Variants in ADGRG2 observed in about 807,000 individuals in gnomAD.
ADGRG2 encodes the protein adhesion G protein-coupled receptor G2, also known as G protein-coupled receptor 64.
A neutral mutation model predicts 74.1 loss-of-function variants in ADGRG2; 26 were observed. The ratio of observed to expected loss-of-function variants is 0.35; its 90% CI spans 0.26 to 0.49. ADGRG2 has a LOEUF of 0.49. Ranked by LOEUF, ADGRG2 falls within the 20% of genes least tolerant of loss-of-function variation. The pLI, the probability that ADGRG2 is intolerant of heterozygous loss-of-function variation, is 0.99. For missense variants in ADGRG2, 619 were observed against 763.1 expected (o/e 0.81, Z 2.22); for synonymous variants, 296 against 295.2 (o/e 1.00, Z -0.03).
chrX:19,060,866 T>C (rs2061480305), intron 3 of ADGRG2, among the ~76,000 whole-genome samples: 1 of 111,366 alleles, frequency 9.0e-6, no homozygotes, highest in African/African-American at 3.3e-5. Flanking sequence ...TGTTCTTAAA[T>C]TCCCCCAGGT....
chrX:19,004,823 T>C lies in ADGRG2; in HGVS notation c.1896A>G (p.Thr632=), dbSNP rs2060197624. 1 of 1,201,994 alleles carries C rather than the reference T, an allele frequency of 8.3e-7. No homozygotes were observed. Among genetic ancestry groups the C allele is most frequent in the Non-Finnish European group, 1.1e-6 (1 of 886,730 alleles). ...PAQMMALTFI[T]YIGCGLSSIF... is the part of the protein sequence containing the mutation. Reference sequence around the variant, plus strand: ...TTGATGAAAGCCCACAACCAATATATGTAATGAACGTCAGAGCCATCATTT... The same window carrying C: ...TTGATGAAAGCCCACAACCAATATACGTAATGAACGTCAGAGCCATCATTT... Residue 632 remains threonine (T), a synonymous_variant, in exon 23 of 29, where the codon ACA becomes ACG. Coordinates refer to ENST00000379869, the MANE Select transcript of ADGRG2 (RefSeq NM_001079858.3).
chrX:19,116,082 C>A (rs1406826974), intron 1 of ADGRG2, among the ~76,000 whole-genome samples: 1 of 108,496 alleles, frequency 9.2e-6, no homozygotes, highest in African/African-American at 3.4e-5. Flanking sequence ...CATGGTGGGG[C>A]AAGCCTGTAG....
intron 27 of ADGRG2, 57 bp downstream of exon 27, chrX:18,995,994 T>G (rs1259881813): frequency 3.2e-6 from 2 of 621,374 alleles, no homozygotes; most frequent in Non-Finnish European, 5.4e-6. Context: ...GATCTTAATT[T>G]ATACAATCTT....
intron 13 of ADGRG2, 98 bp from the exon 14 acceptor site, chrX:19,021,296 C>A (rs1217375993): frequency 3.8e-6 from 2 of 531,779 alleles, no homozygotes; most frequent in Non-Finnish European, 6.6e-6. Context: ...GGAAAGGGGA[C>A]ACTGATACTG....
chrX:19,064,070 T>TGAG (rs1361060780), intron 3 of ADGRG2, among the ~76,000 whole-genome samples: 2 of 111,631 alleles, frequency 1.8e-5, no homozygotes. Context: ...TACTCACTGT[T>TGAG]TGGGGGTGTT....
At chrX:19,106,377 G>C (rs2062292188) in intron 1 of ADGRG2, among the ~76,000 whole-genome samples, 1 of 110,563 alleles carries the variant, frequency 9.0e-6, no homozygotes, top group African/African-American at 3.3e-5. Flanking sequence ...CAGACACCTA[G>C]TTGCTCTGGA....
chrX:19,004,050 G>A (rs1045922951), intron 23 of ADGRG2, among the ~76,000 whole-genome samples: 2 of 112,276 alleles, frequency 1.8e-5, no homozygotes, highest in African/African-American at 6.5e-5. Flanking sequence ...CGTAGTCACA[G>A]CTAGACCCTA....
intron 1 of ADGRG2, among the ~76,000 whole-genome samples, chrX:19,093,393 G>T (rs1165925468): frequency 9.0e-6 from 1 of 111,723 alleles, no homozygotes; most frequent in Admixed American, 9.6e-5. Context: ...GTGTGCACAA[G>T]GAGAGGATAA....
In ADGRG2 at chrX:19,008,225, A is replaced by ATTT. The variant is rs58217405; in HGVS notation, c.1423-105_1423-103dup. The ATTT allele has an allele frequency of 4.8e-3, 2,358 of 493,051 alleles. 38 individuals are homozygous for ATTT. The African/African-American group carries it at 0.054, about 11-fold the overall frequency. 40.6% of individuals were successfully genotyped at this position (493,051 alleles called of 1,213,427 possible). On this transcript the variant is annotated intron_variant, in intron 18 of 28. Coordinates refer to ENST00000379869, the MANE Select transcript of ADGRG2 (RefSeq NM_001079858.3). ...TGCAAAAGTAATTGCAGTATGTGCC[A>ATTT]TTTTTTTTTTAAAAAAAGATAAAAA...
At chrX:19,002,079 C>T (rs1285933603) in intron 24 of ADGRG2, among the ~76,000 whole-genome samples, 1 of 111,035 alleles carries the variant, frequency 9.0e-6, no homozygotes, top group Non-Finnish European at 1.9e-5. Flanking sequence ...GTAAGTGCCA[C>T]CAGGGAGCCA....
At chrX:19,092,862 A>G (rs1361595429) in intron 1 of ADGRG2, among the ~76,000 whole-genome samples, 1 of 111,703 alleles carries the variant, frequency 9.0e-6, no homozygotes, top group East Asian at 2.8e-4. Context: ...ACAGATGACA[A>G]AACGGCACTT....
intron 3 of ADGRG2, among the ~76,000 whole-genome samples, chrX:19,067,327 C>A (rs982954129): frequency 8.9e-6 from 1 of 111,848 alleles, no homozygotes; most frequent in African/African-American, 3.3e-5. Flanking sequence ...TTCAAGATGC[C>A]AAAAACCTAG....
chrX:19,001,823 A>G (rs2060137398), intron 24 of ADGRG2, among the ~76,000 whole-genome samples: 1 of 111,429 alleles, frequency 9.0e-6, no homozygotes, highest in South Asian at 3.8e-4. Context: ...AAGGAGACGG[A>G]GAGCCAGGCT....
chrX:19,087,546 G>C (rs770637835), intron 1 of ADGRG2, among the ~76,000 whole-genome samples: 4 of 112,828 alleles, frequency 3.5e-5, no homozygotes, highest in Non-Finnish European at 5.6e-5. Flanking sequence ...GCATTCCAAA[G>C]AGAGGAAATG....
chrX:19,061,079 G>A (rs962075839), intron 3 of ADGRG2, among the ~76,000 whole-genome samples: 2 of 111,746 alleles, frequency 1.8e-5, no homozygotes, highest in Non-Finnish European at 3.8e-5. Flanking sequence ...GGAATCAGTT[G>A]AGCTCCTTCC....
chrX:19,098,578 A>G (rs1427833145), intron 1 of ADGRG2, among the ~76,000 whole-genome samples: 1 of 112,296 alleles, frequency 8.9e-6, no homozygotes, highest in Admixed American at 9.5e-5. Flanking sequence ...AAGTAACAGC[A>G]AAACAGAACC....
intron 1 of ADGRG2, among the ~76,000 whole-genome samples, chrX:19,083,681 C>T (rs1371344737): frequency 8.9e-6 from 1 of 111,956 alleles, no homozygotes; most frequent in Non-Finnish European, 1.9e-5. Context: ...ATGGGGTATC[C>T]ACCCAAGGCA....
chrX:19,092,035 C>G (rs1455137502), intron 1 of ADGRG2, among the ~76,000 whole-genome samples: 1 of 112,127 alleles, frequency 8.9e-6, no homozygotes, highest in African/African-American at 3.2e-5. Context: ...AAGTGAGGAT[C>G]AAACGCAGTG....
chrX:19,102,260 T>C (rs746015912), intron 1 of ADGRG2, among the ~76,000 whole-genome samples: 2 of 110,092 alleles, frequency 1.8e-5, no homozygotes, highest in East Asian at 2.9e-4. Context: ...CACTCATAGA[T>C]GCAAAAAAGC....
Sources: allele counts gnomAD v4.1 joint callset (sites outside exome capture counted in the v4.1 genomes callset), GRCh38; gene constraint gnomAD v4.1.1; transcripts MANE v1.5; gene names NCBI Gene and HGNC (gene_info 2026-07-23, HGNC 2026-07-21).